Variants in SUGCT observed in about 807,000 individuals in gnomAD.
SUGCT encodes succinyl-CoA:glutarate-CoA transferase.
Under a neutral mutation model 55.0 loss-of-function variants are expected in SUGCT, and 41 were observed. The ratio of observed to expected loss-of-function variants is 0.74; its 90% CI spans 0.58 to 0.97. The LOEUF is 0.97. SUGCT is among the 50% of genes least tolerant of loss of function. SUGCT has a pLI of 0.00. For synonymous variants in SUGCT, 187 were observed against 200.4 expected, an observed-to-expected ratio of 0.93 and a Z score of 0.56; for missense variants, 568 against 547.8, an observed-to-expected ratio of 1.04 and a Z score of -0.37.
At chr7:40,278,217 C>T (rs1641386022) in intron 8 of SUGCT, among the ~76,000 whole-genome samples, 1 of 152,062 alleles carries the variant, frequency 6.6e-6, no homozygotes, top group South Asian at 2.1e-4. Flanking sequence ...AAATCAAAAC[C>T]ACAGTGAGAT....
At chr7:40,144,438 C>T (rs1788143341) in intron 1 of SUGCT, among the ~76,000 whole-genome samples, 1 of 152,110 alleles carries the variant, frequency 6.6e-6, no homozygotes, top group Non-Finnish European at 1.5e-5. Flanking sequence ...GGGGGCGGCG[C>T]TTTCTTGACT....
intron 12 of SUGCT, among the ~76,000 whole-genome samples, chr7:40,697,044 A>G (rs1466190634): frequency 6.6e-6 from 1 of 152,148 alleles, no homozygotes; most frequent in Non-Finnish European, 1.5e-5. Context: ...TGTGCATAGT[A>G]TGGTAGTAGC....
chr7:40,867,204 T>C, the SUGCT span, among the ~76,000 whole-genome samples: 1 of 149,354 alleles, frequency 6.7e-6, no homozygotes, highest in African/African-American at 2.4e-5. Flanking sequence ...TATGTCTCTA[T>C]ACCACATGCC....
At chr7:41,010,896 A>AG in the SUGCT span, among the ~76,000 whole-genome samples, 1 of 152,244 alleles carries the variant, frequency 6.6e-6, no homozygotes, top group Admixed American at 6.5e-5. Flanking sequence ...ATTAATCCAA[A>AG]TATGGTCTTG....
At chr7:40,222,475 A>G (rs1336112203) in intron 6 of SUGCT, among the ~76,000 whole-genome samples, 1 of 152,168 alleles carries the variant, frequency 6.6e-6, no homozygotes, top group Non-Finnish European at 1.5e-5. Context: ...ACTATTGAAC[A>G]CTGATGGTTT....
intron 12 of SUGCT, among the ~76,000 whole-genome samples, chr7:40,724,862 TGC>T (rs1786533088): frequency 6.6e-6 from 1 of 152,144 alleles, no homozygotes; most frequent in Non-Finnish European, 1.5e-5. Context: ...TAACAAACAT[TGC>T]TATTTAAGGT....
At chr7:40,157,400 A>G (rs1030674505) in intron 1 of SUGCT, among the ~76,000 whole-genome samples, 3 of 152,204 alleles carry the variant, frequency 2.0e-5, no homozygotes, top group African/African-American at 7.2e-5. Flanking sequence ...TTACCTATCA[A>G]TGGGTTTTCA....
chr7:40,996,687 A>G, the SUGCT span, among the ~76,000 whole-genome samples: 1 of 152,174 alleles, frequency 6.6e-6, no homozygotes, highest in Non-Finnish European at 1.5e-5. Context: ...AAGAATGACC[A>G]TAACAAGCAG....
At chr7:40,451,256 C>T (rs1329628813) in intron 10 of SUGCT, among the ~76,000 whole-genome samples, 6 of 151,928 alleles carry the variant, frequency 3.9e-5, no homozygotes, top group African/African-American at 1.5e-4. Flanking sequence ...GGTGGGAGGA[C>T]CTGGCAGTGA....
chr7:40,679,779 A>G (rs1327228963), intron 12 of SUGCT, among the ~76,000 whole-genome samples: 1 of 152,172 alleles, frequency 6.6e-6, no homozygotes, highest in South Asian at 2.1e-4. Context: ...GTTTGTCTTT[A>G]TTAAAATCCT....
intron 6 of SUGCT, among the ~76,000 whole-genome samples, chr7:40,212,797 T>C (rs1787416435): frequency 6.6e-6 from 1 of 152,184 alleles, no homozygotes; most frequent in South Asian, 2.1e-4. Context: ...CCTCCCAAAG[T>C]GCTGGGATTA....
chr7:40,870,597 A>AT, the SUGCT span, among the ~76,000 whole-genome samples: 6 of 152,196 alleles, frequency 3.9e-5, no homozygotes, highest in Non-Finnish European at 5.9e-5. Flanking sequence ...TTGAGGAGGC[A>AT]TTTTCTAGGA....
At chr7:41,002,332 C>G in the SUGCT span, among the ~76,000 whole-genome samples, 28 of 152,254 alleles carry the variant, frequency 1.8e-4, no homozygotes, top group Non-Finnish European at 3.1e-4. Context: ...AGAATGCGAA[C>G]TTTATCCTTT....
At chr7:40,738,512 T>C (rs1250712161) in intron 12 of SUGCT, among the ~76,000 whole-genome samples, 1 of 152,206 alleles carries the variant, frequency 6.6e-6, no homozygotes, top group Non-Finnish European at 1.5e-5. Context: ...AAAATGATGT[T>C]TGAAGAACAT....
At chr7:40,382,520 C>T (rs1420377459) in intron 9 of SUGCT, among the ~76,000 whole-genome samples, 3 of 152,128 alleles carry the variant, frequency 2.0e-5, no homozygotes, top group East Asian at 3.9e-4. Flanking sequence ...GAAAGGAGGA[C>T]GTGAAAGAAG....
chr7:40,592,770 T>C (rs1797798195), intron 12 of SUGCT, among the ~76,000 whole-genome samples: 1 of 152,176 alleles, frequency 6.6e-6, no homozygotes, highest in African/African-American at 2.4e-5. Context: ...GTAGCAAGTC[T>C]ATGTTTTGTT....
intron 9 of SUGCT, among the ~76,000 whole-genome samples, chr7:40,317,595 G>A (rs1326466804): frequency 1.3e-5 from 2 of 152,092 alleles, no homozygotes; most frequent in Admixed American, 1.3e-4. Context: ...GGAAGCACAT[G>A]TTAGGTACTA....
intron 10 of SUGCT, 105 bp from the exon 11 acceptor site, chr7:40,458,996 A>G: frequency 1.4e-6 from 1 of 691,144 alleles, no homozygotes; most frequent in Non-Finnish European, 2.5e-6. Context: ...AAGACCAGCA[A>G]GGAATGTTCT....
chr7:40,509,380 G>A (rs530420285), intron 12 of SUGCT, among the ~76,000 whole-genome samples: 1 of 152,064 alleles, frequency 6.6e-6, no homozygotes, highest in East Asian at 1.9e-4. Context: ...GATCACAAAG[G>A]GAAAAAGACC....
Sources: allele counts gnomAD v4.1 joint callset (sites outside exome capture counted in the v4.1 genomes callset), GRCh38; gene constraint gnomAD v4.1.1; transcripts MANE v1.5; gene names NCBI Gene and HGNC (gene_info 2026-07-23, HGNC 2026-07-21).